PTPRK: variants seen among roughly 807,000 people sequenced by gnomAD.
PTPRK encodes the protein protein tyrosine phosphatase receptor type K, also known as receptor-type tyrosine-protein phosphatase kappa.
PTPRK carries 75 observed loss-of-function variants against 178.0 expected under a neutral mutation model. That is an observed-to-expected ratio of 0.42 (90% CI 0.35 to 0.51). PTPRK has a LOEUF of 0.51. Among genes scored for constraint, PTPRK ranks in the 20% least tolerant of loss-of-function variants. The pLI is 0.02. For missense variants in PTPRK, 1,441 were observed against 1,797.8 expected (o/e 0.80, Z 3.59); for synonymous variants, 637 against 620.6 (o/e 1.03, Z -0.39).
intron 12 of PTPRK, among the ~76,000 whole-genome samples, chr6:128,065,198 A>C (rs1781544318): frequency 6.6e-6 from 1 of 152,214 alleles, no homozygotes; most frequent in Non-Finnish European, 1.5e-5. Flanking sequence ...GCTGAACATT[A>C]CATACTTTCA....
intron 1 of PTPRK, among the ~76,000 whole-genome samples, chr6:128,408,410 C>T (rs1841948259): frequency 6.6e-6 from 1 of 151,932 alleles, no homozygotes; most frequent in Non-Finnish European, 1.5e-5. Flanking sequence ...ACAAAAACTA[C>T]CCCTAATTAA....
intron 13 of PTPRK, among the ~76,000 whole-genome samples, chr6:128,030,793 C>T (rs1486021499): frequency 1.3e-5 from 2 of 152,124 alleles, no homozygotes; most frequent in Admixed American, 6.6e-5. Flanking sequence ...AGAAGAATTT[C>T]AAGCTGACAT....
At chr6:127,988,015 G>C (rs1473670680) in intron 21 of PTPRK, among the ~76,000 whole-genome samples, 1 of 151,978 alleles carries the variant, frequency 6.6e-6, no homozygotes, top group Non-Finnish European at 1.5e-5. Context: ...GAAATATCCT[G>C]TTAAGATTTC....
intron 3 of PTPRK, among the ~76,000 whole-genome samples, chr6:128,313,092 T>C (rs894465859): frequency 1.3e-5 from 2 of 152,086 alleles, no homozygotes; most frequent in Non-Finnish European, 2.9e-5. Context: ...TCATCACCAA[T>C]ATACAGTCTG....
At chr6:128,264,838 G>A (rs987120744) in intron 3 of PTPRK, among the ~76,000 whole-genome samples, 6 of 152,094 alleles carry the variant, frequency 3.9e-5, no homozygotes, top group Non-Finnish European at 8.8e-5. Flanking sequence ...TACCCATGCT[G>A]TTCTTGTGAT....
intron 7 of PTPRK, among the ~76,000 whole-genome samples, chr6:128,179,709 C>T (rs1458139516): frequency 2.6e-5 from 4 of 151,944 alleles, no homozygotes; most frequent in Non-Finnish European, 4.4e-5. Context: ...TTAGCGGTTA[C>T]TAGTCTTTGT....
At chr6:128,375,496 C>G (rs1465402140) in intron 2 of PTPRK, among the ~76,000 whole-genome samples, 1 of 152,082 alleles carries the variant, frequency 6.6e-6, no homozygotes, top group Admixed American at 6.5e-5. Context: ...TCATCTCCCA[C>G]TGGGTCCCTC....
chr6:128,233,552 C>T (rs1015019488), intron 5 of PTPRK, among the ~76,000 whole-genome samples: 1 of 152,188 alleles, frequency 6.6e-6, no homozygotes, highest in South Asian at 2.1e-4. Context: ...TTAGTACTCT[C>T]AAGCCATTGC....
intron 7 of PTPRK, among the ~76,000 whole-genome samples, chr6:128,163,159 ATT>A (rs1473548445): frequency 6.6e-6 from 1 of 151,210 alleles, no homozygotes; most frequent in Non-Finnish European, 1.5e-5. Context: ...TTAGTTAACA[ATT>A]TTTCATTTTC....
chr6:127,986,010 T>TA (rs34209700), intron 21 of PTPRK, 135 bp from the exon 22 acceptor site: 213,177 of 606,480 alleles, frequency 0.35, 28,035 homozygotes, highest in East Asian at 0.41. Flanking sequence ...TGCCTTTTCT[T>TA]AAAAAAAAAA....
chr6:128,146,600 C>T (rs902467364), intron 7 of PTPRK, among the ~76,000 whole-genome samples: 3 of 151,814 alleles, frequency 2.0e-5, no homozygotes, highest in Non-Finnish European at 2.9e-5. Context: ...CACACCACCA[C>T]GCCCAGCTAA....
At chr6:128,407,593 G>GCAAC (rs1841812805) in intron 1 of PTPRK, among the ~76,000 whole-genome samples, 1 of 117,400 alleles carries the variant, frequency 8.5e-6, no homozygotes, top group African/African-American at 3.3e-5. Context: ...GAGCTATTGT[G>GCAAC]CAACTGTACT....
intron 12 of PTPRK, 82 bp downstream of exon 12, chr6:128,067,437 A>C: frequency 7.6e-7 from 1 of 1,313,190 alleles, no homozygotes; most frequent in Admixed American, 2.6e-5. Context: ...TTTTTTCTTG[A>C]CGGATGCTAC....
At chr6:128,253,888 C>A (rs945283930) in intron 3 of PTPRK, among the ~76,000 whole-genome samples, 1 of 152,004 alleles carries the variant, frequency 6.6e-6, no homozygotes, top group Admixed American at 6.6e-5. Flanking sequence ...TTAAGTAAAC[C>A]AGATGATTAA....
chr6:128,094,203 C>T (rs1320034704), intron 7 of PTPRK, among the ~76,000 whole-genome samples: 1 of 152,128 alleles, frequency 6.6e-6, no homozygotes, highest in East Asian at 1.9e-4. Context: ...AGAGGCTGAA[C>T]TTACCTGATA....
rs777672300 is a variant in PTPRK, at chr6:128,519,291, C to T, written c.100+968G>A. 2.5e-5 allele frequency: 9 copies of T among 363,290 alleles called. No individual in the cohort carries two copies. The highest frequency in any genetic ancestry group is 3.7e-5 in the Admixed American group (1 of 26,934). The allele number at this position is 363,290 out of a possible 1,614,324, so 22.5% of individuals were successfully genotyped here. ...CCAACCTACACGAAGGATAACAAAACTGGAGGGGAACAGAGGGCGGGACCG... is the reference window on the plus strand; with the variant it reads ...CCAACCTACACGAAGGATAACAAAATTGGAGGGGAACAGAGGGCGGGACCG... On this transcript the variant is annotated intron_variant, in intron 1 of 29. Coordinates refer to ENST00000368226, the MANE Select transcript of PTPRK (RefSeq NM_002844.4). The surrounding 1 kb of genome is among the most constrained non-coding windows in gnomAD (Gnocchi z 4.3).
At chr6:128,245,392 C>A (rs1183675988) in intron 3 of PTPRK, among the ~76,000 whole-genome samples, 1 of 152,138 alleles carries the variant, frequency 6.6e-6, no homozygotes, top group Non-Finnish European at 1.5e-5. Flanking sequence ...ACTGACTAGA[C>A]ATTATATTGA....
chr6:127,991,445 A>G, intron 19 of PTPRK, 54 bp from the exon 20 acceptor site: 1 of 1,389,446 alleles, frequency 7.2e-7, no homozygotes, highest in Non-Finnish European at 9.8e-7. Context: ...TGTAGTTAGT[A>G]AGAAGTTTAG....
intron 1 of PTPRK, among the ~76,000 whole-genome samples, chr6:128,437,076 C>A (rs1218645775): frequency 6.6e-6 from 1 of 152,132 alleles, no homozygotes; most frequent in Non-Finnish European, 1.5e-5. Flanking sequence ...GGGAAAAAGT[C>A]AAATCTGCTG....
Sources: allele counts gnomAD v4.1 joint callset (sites outside exome capture counted in the v4.1 genomes callset), GRCh38; gene constraint gnomAD v4.1.1; non-coding constraint Gnocchi (gnomAD v3.1); transcripts MANE v1.5; gene names NCBI Gene and HGNC (gene_info 2026-07-23, HGNC 2026-07-21).